The following SCN11A variants were observed in gnomAD, a reference collection of about 807,000 sequenced individuals.
SCN11A encodes sodium channel protein type 11 subunit alpha.
Under a neutral mutation model 162.2 loss-of-function variants are expected in SCN11A, and 122 were observed. That is an observed-to-expected ratio of 0.75 (90% CI 0.65 to 0.87). The LOEUF is 0.87. SCN11A is among the 40% of genes least tolerant of loss of function. The probability of loss-of-function intolerance (pLI) is 0.00; values close to 1 mark genes in which losing one functional copy is unlikely to be tolerated. For synonymous variants in SCN11A, 758 were observed against 751.5 expected (o/e 1.01, Z -0.14); for missense variants, 2,015 against 2,181.6 (o/e 0.92, Z 1.52).
intron 1 of SCN11A, among the ~76,000 whole-genome samples, chr3:39,045,179 T>C (rs1414815702): frequency 6.6e-6 from 1 of 152,126 alleles, no homozygotes; most frequent in African/African-American, 2.4e-5. Context: ...AAGAAAAGCC[T>C]AGGACCATGG....
intron 2 of SCN11A, among the ~76,000 whole-genome samples, chr3:38,991,504 CTTTG>C (rs2125594412): frequency 1.3e-5 from 2 of 152,304 alleles, no homozygotes; most frequent in South Asian, 4.1e-4. Context: ...ATGAAGACCT[CTTTG>C]TTTGACCTGA....
intron 2 of SCN11A, among the ~76,000 whole-genome samples, chr3:38,982,148 G>A (rs903955692): frequency 3.3e-5 from 5 of 152,226 alleles, no homozygotes; most frequent in African/African-American, 1.2e-4. Flanking sequence ...TGCAAAAGGA[G>A]ATGGCATTAA....
intron 1 of SCN11A, among the ~76,000 whole-genome samples, chr3:39,038,814 A>AGAAG (rs10653173): frequency 6.6e-6 from 1 of 151,914 alleles, no homozygotes; most frequent in African/African-American, 2.4e-5. Context: ...GGCTAAAGAA[A>AGAAG]AGTGAAAACA....
chr3:38,991,531 A>G lies in SCN11A; in HGVS notation c.-279-31108T>C, dbSNP rs952906152. Among the ~76,000 whole-genome samples, 7 of 152,274 alleles carry G rather than the reference A, an allele frequency of 4.6e-5. No individual in the cohort carries two copies. In the East Asian group the frequency reaches 1.4e-3, roughly 29 times the overall value. Reference sequence around the variant, plus strand: ...TTGTTTGACCTGATAATGTTGTGCAATTTCCTAAAGTTACTTGACAGCTTA... The same window carrying G: ...TTGTTTGACCTGATAATGTTGTGCAGTTTCCTAAAGTTACTTGACAGCTTA... On this transcript the variant is annotated intron_variant, in intron 2 of 29. Transcript: ENST00000302328.
intron 7 of SCN11A, among the ~76,000 whole-genome samples, chr3:38,932,475 A>C (rs142214373): frequency 0.013 from 1,929 of 152,332 alleles, 39 homozygotes; most frequent in African/African-American, 0.043. Flanking sequence ...AGTCAAAGAA[A>C]GGGGTGAGAG....
chr3:39,022,230 G>A (rs546551606), intron 2 of SCN11A, among the ~76,000 whole-genome samples: 6 of 152,322 alleles, frequency 3.9e-5, no homozygotes, highest in African/African-American at 1.2e-4. Flanking sequence ...ATGGAGAGGC[G>A]TGAAGCTCAA....
intron 7 of SCN11A, among the ~76,000 whole-genome samples, chr3:38,937,831 G>A (rs1177515330): frequency 9.2e-5 from 14 of 152,240 alleles, no homozygotes; most frequent in African/African-American, 2.6e-4. Flanking sequence ...GCGATTCCTC[G>A]GGGACCTAGA....
At chr3:38,959,485 T>G (rs1244625384) in intron 3 of SCN11A, among the ~76,000 whole-genome samples, 4 of 152,140 alleles carry the variant, frequency 2.6e-5, no homozygotes, top group Non-Finnish European at 5.9e-5. Context: ...TGGGCTGGTA[T>G]GCGTCTATGG....
At chr3:39,002,326 T>C (rs1353446018) in intron 2 of SCN11A, among the ~76,000 whole-genome samples, 1 of 152,244 alleles carries the variant, frequency 6.6e-6, no homozygotes, top group Middle Eastern at 3.2e-3. Context: ...ACCAGTGCTT[T>C]AATAAATTCT....
chr3:39,004,353 GCT>G (rs1491168723), intron 2 of SCN11A, among the ~76,000 whole-genome samples: 1 of 152,052 alleles, frequency 6.6e-6, no homozygotes, highest in African/African-American at 2.4e-5. Flanking sequence ...TTATTTCTGG[GCT>G]CTCTATTCTG....
At chr3:38,974,780 A>G (rs1284379770) in intron 2 of SCN11A, among the ~76,000 whole-genome samples, 1 of 151,748 alleles carries the variant, frequency 6.6e-6, no homozygotes, top group Admixed American at 6.6e-5. Context: ...GAAACAATAG[A>G]AAAAAATAAA....
chr3:38,994,340 G>C (rs1281493143), intron 2 of SCN11A, among the ~76,000 whole-genome samples: 2 of 152,188 alleles, frequency 1.3e-5, no homozygotes, highest in Non-Finnish European at 2.9e-5. Flanking sequence ...CCAGGATACT[G>C]AGCGTCACAT....
chr3:38,962,192 T>C (rs1388821323), intron 2 of SCN11A, among the ~76,000 whole-genome samples: 1 of 152,240 alleles, frequency 6.6e-6, no homozygotes, highest in Non-Finnish European at 1.5e-5. Context: ...TTTGGGTTTA[T>C]TTCTGGGCTC....
chr3:39,044,123 A>C (rs2032128035), intron 1 of SCN11A, among the ~76,000 whole-genome samples: 1 of 152,196 alleles, frequency 6.6e-6, no homozygotes, highest in South Asian at 2.1e-4. Flanking sequence ...TATAATAATA[A>C]AGGGATCAAT....
intron 17 of SCN11A, among the ~76,000 whole-genome samples, chr3:38,899,501 C>A (rs1476735978): frequency 2.0e-5 from 3 of 152,166 alleles, no homozygotes; most frequent in African/African-American, 4.8e-5. Flanking sequence ...TCTTTGCCCC[C>A]CTTGGCGAGC....
intron 28 of SCN11A, among the ~76,000 whole-genome samples, chr3:38,861,362 C>T (rs991491808): frequency 1.5e-4 from 23 of 152,002 alleles, no homozygotes; most frequent in East Asian, 1.2e-3. Context: ...AAAATACCAC[C>T]GTCATCCTTC....
chr3:39,027,110 A>G (rs2031607542), intron 2 of SCN11A, among the ~76,000 whole-genome samples: 1 of 151,950 alleles, frequency 6.6e-6, no homozygotes, highest in Non-Finnish European at 1.5e-5. Context: ...TCACTCTACT[A>G]GAAAAAAAAA....
chr3:39,009,401 T>A (rs969538458), intron 2 of SCN11A, among the ~76,000 whole-genome samples: 2 of 151,400 alleles, frequency 1.3e-5, no homozygotes, highest in South Asian at 4.2e-4. Context: ...AGTGCATATA[T>A]ATATGTGTGT....
chr3:39,012,398 T>G (rs2031166126), intron 2 of SCN11A, among the ~76,000 whole-genome samples: 1 of 151,866 alleles, frequency 6.6e-6, no homozygotes, highest in African/African-American at 2.4e-5. Context: ...GCTCCTTCCT[T>G]ACTTCCTTCC....
Sources: gnomAD v4.1 joint callset for allele counts (sites outside exome capture counted in the v4.1 genomes callset) on GRCh38, gnomAD v4.1.1 for gene constraint, MANE v1.5 for transcripts, NCBI Gene and HGNC (gene_info 2026-07-23, HGNC 2026-07-21) for gene names.